AGBL1: variants seen among roughly 807,000 people sequenced by gnomAD.
The protein encoded by AGBL1 is AGBL carboxypeptidase 1, also known as cytosolic carboxypeptidase 4.
A neutral mutation model predicts 118.9 loss-of-function variants in AGBL1; 130 were observed. The observed-to-expected ratio is 1.09, with a 90% CI of 0.95 to 1.26. The LOEUF (loss-of-function observed/expected upper bound fraction) is 1.26. AGBL1 is among the 50% of genes most tolerant of loss of function. The probability of loss-of-function intolerance (pLI) is 0.00; values close to 1 mark genes in which losing one functional copy is unlikely to be tolerated. For missense variants in AGBL1, 1,584 were observed against 1,298.1 expected (o/e 1.22, Z -3.38); for synonymous variants, 555 against 478.9 (o/e 1.16, Z -2.08).
At chr15:86,716,495 C>T (rs552726463) in intron 22 of AGBL1, among the ~76,000 whole-genome samples, 21 of 152,102 alleles carry the variant, frequency 1.4e-4, no homozygotes, top group Non-Finnish European at 2.9e-4. Flanking sequence ...GTAGTCACTG[C>T]TTAAAATTTC....
chr15:86,961,348 C>G (rs974130154), intron 23 of AGBL1, among the ~76,000 whole-genome samples: 4 of 152,044 alleles, frequency 2.6e-5, no homozygotes, highest in African/African-American at 7.2e-5. Context: ...CTCTGCAGCT[C>G]TACTGTAGGA....
intron 5 of AGBL1, among the ~76,000 whole-genome samples, chr15:86,179,264 A>G (rs1428780451): frequency 1.3e-5 from 2 of 152,236 alleles, no homozygotes; most frequent in African/African-American, 4.8e-5. Context: ...CCTCGAGGTT[A>G]GCAGGTATGG....
intron 23 of AGBL1, among the ~76,000 whole-genome samples, chr15:86,966,887 C>T (rs955957151): frequency 1.1e-3 from 164 of 151,978 alleles, no homozygotes; most frequent in African/African-American, 3.8e-3. Context: ...TCTAGATCCC[C>T]GAGAAATCAC....
chr15:86,804,003 G>T (rs2078685948), intron 22 of AGBL1, among the ~76,000 whole-genome samples: 2 of 152,046 alleles, frequency 1.3e-5, no homozygotes, highest in South Asian at 4.1e-4. Flanking sequence ...CTTATAACAA[G>T]TCTGTTATCC....
intron 21 of AGBL1, among the ~76,000 whole-genome samples, chr15:86,617,590 A>G (rs368320984): frequency 5.9e-5 from 9 of 152,332 alleles, no homozygotes; most frequent in Middle Eastern, 3.4e-3. Flanking sequence ...AGAATATGGT[A>G]TTGTCAAAAC....
intron 17 of AGBL1, among the ~76,000 whole-genome samples, chr15:86,307,323 C>T (rs1333176036): frequency 6.6e-6 from 1 of 151,788 alleles, no homozygotes; most frequent in African/African-American, 2.4e-5. Flanking sequence ...AGGAATATTC[C>T]TCTGTGTTAA....
intron 22 of AGBL1, among the ~76,000 whole-genome samples, chr15:86,680,952 ATTTC>A (rs2085943843): frequency 6.6e-6 from 1 of 151,940 alleles, no homozygotes; most frequent in South Asian, 2.1e-4. Context: ...CATCAAAAAT[ATTTC>A]TTTCTTTCCT....
intron 22 of AGBL1, among the ~76,000 whole-genome samples, chr15:86,840,178 T>C (rs574838704): frequency 2.0e-5 from 3 of 152,344 alleles, no homozygotes; most frequent in African/African-American, 7.2e-5. Flanking sequence ...ATCTTTGCGT[T>C]TGTCAACATA....
intron 1 of AGBL1, among the ~76,000 whole-genome samples, chr15:86,095,795 C>T (rs1409373702): frequency 6.6e-6 from 1 of 151,726 alleles, no homozygotes; most frequent in African/African-American, 2.4e-5. Context: ...TGTCCAGCAT[C>T]CACTACATGT....
intron 21 of AGBL1, among the ~76,000 whole-genome samples, chr15:86,673,238 C>T (rs1314672273): frequency 6.6e-6 from 1 of 152,072 alleles, no homozygotes; most frequent in Non-Finnish European, 1.5e-5. Context: ...GTGAAATATT[C>T]CTTATCACCA....
intron 22 of AGBL1, among the ~76,000 whole-genome samples, chr15:86,719,544 C>A (rs142781253): frequency 6.6e-6 from 1 of 152,096 alleles, no homozygotes; most frequent in Admixed American, 6.6e-5. Context: ...AACCAGACTC[C>A]ATCCTGAAGC....
At chr15:86,529,533 T>G (rs1055209846) in intron 19 of AGBL1, among the ~76,000 whole-genome samples, 31 of 132,122 alleles carry the variant, frequency 2.3e-4, no homozygotes, top group Admixed American at 4.1e-4. Context: ...GAAAACACTC[T>G]GCAGGATATT....
At chr15:86,534,965 A>T (rs939813605) in intron 19 of AGBL1, among the ~76,000 whole-genome samples, 12 of 152,210 alleles carry the variant, frequency 7.9e-5, no homozygotes, top group African/African-American at 2.9e-4. Context: ...AGAGTCGGTT[A>T]CACAAAAACT....
At chr15:86,233,493 C>T (rs568360393) in intron 6 of AGBL1, among the ~76,000 whole-genome samples, 12 of 152,154 alleles carry the variant, frequency 7.9e-5, no homozygotes, top group African/African-American at 2.9e-4. Context: ...TGTCCTTTGC[C>T]CCTCCCTTTC....
At position 86,256,838 on chromosome 15, in the gene AGBL1, C is replaced by T. The variant is rs28564551; in HGVS notation, c.736-15C>T. On this transcript the variant is annotated splice_polypyrimidine_tract_variant and intron_variant, in intron 7 of 22. Transcript: ENST00000614907. ...CCCAGATGTTGGCATCTGATATAATCTTCCCTTTGCTCAGAACTGCCTGGA... is the reference window on the plus strand; with the variant it reads ...CCCAGATGTTGGCATCTGATATAATTTTCCCTTTGCTCAGAACTGCCTGGA... 2 of 1,613,230 alleles carry T rather than the reference C, an allele frequency of 1.2e-6. No individual in the cohort carries two copies. The highest frequency in any genetic ancestry group is 2.7e-5 in the African/African-American group (2 of 74,892).
intron 22 of AGBL1, among the ~76,000 whole-genome samples, chr15:86,813,529 C>A (rs2078820779): frequency 6.6e-6 from 1 of 152,192 alleles, no homozygotes; most frequent in Non-Finnish European, 1.5e-5. Flanking sequence ...CCTTTCTTTG[C>A]TGTCTTCCAA....
exon 25 of AGBL1, chr15:87,029,023 C>A (rs2081761977): frequency 6.9e-6 from 4 of 580,170 alleles, no homozygotes; most frequent in Non-Finnish European, 8.8e-6. Flanking sequence ...TAAGGACAGG[C>A]AATCTTCATA....
chr15:86,567,691 T>G (rs1329455827), intron 21 of AGBL1, among the ~76,000 whole-genome samples: 2 of 152,222 alleles, frequency 1.3e-5, no homozygotes, highest in Admixed American at 1.3e-4. Flanking sequence ...TGTCTTTCTT[T>G]CATTAATGTA....
chr15:86,355,732 A>G (rs2080702896), intron 17 of AGBL1, among the ~76,000 whole-genome samples: 1 of 152,198 alleles, frequency 6.6e-6, no homozygotes, highest in African/African-American at 2.4e-5. Flanking sequence ...CCCACTTTCT[A>G]TGGACTGGGG....
Sources: allele counts gnomAD v4.1 joint callset (sites outside exome capture counted in the v4.1 genomes callset), GRCh38; gene constraint gnomAD v4.1.1; transcripts MANE v1.5; gene names NCBI Gene and HGNC (gene_info 2026-07-23, HGNC 2026-07-21).